The following RBFOX1 variants were observed in gnomAD, a reference collection of about 807,000 sequenced individuals.
RBFOX1 encodes the protein RNA binding protein fox-1 homolog 1.
A neutral mutation model predicts 57.7 loss-of-function variants in RBFOX1; 8 were observed. The observed-to-expected ratio is 0.14, with a 90% CI of 0.08 to 0.25. The LOEUF is 0.25. Among genes scored for constraint, RBFOX1 ranks in the 10% least tolerant of loss-of-function variants. The probability of loss-of-function intolerance (pLI) is 1.00; values close to 1 mark genes in which losing one functional copy is unlikely to be tolerated. For missense variants in RBFOX1, 611 were observed against 548.5 expected (o/e 1.11, Z -1.14); for synonymous variants, 326 against 222.4 (o/e 1.47, Z -4.15).
intron 2 of RBFOX1, among the ~76,000 whole-genome samples, chr16:6,537,067 A>G (rs943532351): frequency 2.6e-5 from 4 of 152,296 alleles, no homozygotes; most frequent in Non-Finnish European, 4.4e-5. Flanking sequence ...CAGCTCTGGT[A>G]TAGGAAACAT....
intron 1 of RBFOX1, among the ~76,000 whole-genome samples, chr16:6,224,049 C>T (rs1458424968): frequency 1.3e-5 from 2 of 151,934 alleles, no homozygotes; most frequent in Non-Finnish European, 2.9e-5. Context: ...CTGTTCTGTT[C>T]CATTGATCTA....
chr16:7,485,527 A>G (rs2065148226), intron 4 of RBFOX1, among the ~76,000 whole-genome samples: 1 of 152,156 alleles, frequency 6.6e-6, no homozygotes, highest in Admixed American at 6.5e-5. Flanking sequence ...GAATGAGCTG[A>G]GGATGTGGCC....
chr16:5,742,457 GC>G (rs1218910306), intron 3 of RBFOX1, among the ~76,000 whole-genome samples: 1 of 152,140 alleles, frequency 6.6e-6, no homozygotes, highest in Non-Finnish European at 1.5e-5. Flanking sequence ...TAAAAGTGGG[GC>G]TGCTATATTC....
intron 4 of RBFOX1, among the ~76,000 whole-genome samples, chr16:7,214,862 T>A (rs1292303572): frequency 2.0e-5 from 3 of 152,208 alleles, no homozygotes; most frequent in Non-Finnish European, 4.4e-5. Flanking sequence ...TCTGGGTGTC[T>A]GTCTCACAGT....
At chr16:5,424,784 G>A (rs1209250392) in intron 1 of RBFOX1, among the ~76,000 whole-genome samples, 1 of 151,974 alleles carries the variant, frequency 6.6e-6, no homozygotes, top group Middle Eastern at 3.4e-3. Context: ...AGGTAAGTAG[G>A]AAGTCCAGGC....
intron 3 of RBFOX1, among the ~76,000 whole-genome samples, chr16:7,031,441 C>T (rs920102891): frequency 1.3e-5 from 2 of 151,784 alleles, no homozygotes; most frequent in South Asian, 2.1e-4. Flanking sequence ...ACTAAAAATA[C>T]AAAAATTAGC....
chr16:5,620,248 G>T (rs1315529217), intron 3 of RBFOX1, among the ~76,000 whole-genome samples: 1 of 152,092 alleles, frequency 6.6e-6, no homozygotes, highest in African/African-American at 2.4e-5. Flanking sequence ...GGGGAAAGCT[G>T]AGCTTAGGGA....
At chr16:7,641,089 G>C (rs4787052) in intron 11 of RBFOX1, among the ~76,000 whole-genome samples, 102,194 of 151,876 alleles carry the variant, frequency 0.67, 36,922 homozygotes, top group East Asian at 0.94. Flanking sequence ...GGTCTACAGA[G>C]CTGGGAAGGA....
intron 1 of RBFOX1, among the ~76,000 whole-genome samples, chr16:6,254,163 C>T (rs1050165722): frequency 6.6e-6 from 1 of 152,106 alleles, no homozygotes; most frequent in African/African-American, 2.4e-5. Context: ...TCGTCAATAG[C>T]ATTTATCGAA....
intron 4 of RBFOX1, among the ~76,000 whole-genome samples, chr16:7,288,959 G>T (rs539086057): frequency 1.7e-4 from 26 of 152,322 alleles, no homozygotes; most frequent in African/African-American, 6.3e-4. Context: ...GCAGGGGTTG[G>T]AGAAAAGAAA....
At chr16:5,395,244 T>G (rs1188041241) in intron 1 of RBFOX1, among the ~76,000 whole-genome samples, 1 of 152,230 alleles carries the variant, frequency 6.6e-6, no homozygotes, top group Non-Finnish European at 1.5e-5. Flanking sequence ...TAACTCTTCC[T>G]TGAAGGCCAG....
intron 3 of RBFOX1, among the ~76,000 whole-genome samples, chr16:6,994,632 A>G (rs138858495): frequency 1.1e-4 from 16 of 152,342 alleles, no homozygotes; most frequent in East Asian, 3.9e-4. Flanking sequence ...GATTACATCA[A>G]TAATTCAAAG....
intron 4 of RBFOX1, among the ~76,000 whole-genome samples, chr16:7,430,889 G>A (rs139493200): frequency 6.6e-6 from 1 of 152,216 alleles, no homozygotes; most frequent in Admixed American, 6.5e-5. Context: ...CGTGTATGAT[G>A]TGACTGGAAA....
At chr16:6,742,368 C>T (rs991293537) in intron 3 of RBFOX1, among the ~76,000 whole-genome samples, 3 of 152,110 alleles carry the variant, frequency 2.0e-5, no homozygotes, top group Admixed American at 2.0e-4. Flanking sequence ...GTGTGTCTCT[C>T]ATATACTGAT....
intron 2 of RBFOX1, among the ~76,000 whole-genome samples, chr16:6,571,433 C>T (rs1567723478): frequency 6.6e-6 from 1 of 152,258 alleles, no homozygotes; most frequent in East Asian, 1.9e-4. Context: ...AGACCCAGTG[C>T]TCGGAGTGAT....
intron 4 of RBFOX1, among the ~76,000 whole-genome samples, chr16:7,432,552 C>T (rs955486032): frequency 6.6e-6 from 1 of 152,174 alleles, no homozygotes; most frequent in African/African-American, 2.4e-5. Context: ...CAGAGAGTAA[C>T]ACTTTTAAGC....
chr16:6,015,607 T>C (rs2094988718), upstream of RBFOX1, among the ~76,000 whole-genome samples: 1 of 152,228 alleles, frequency 6.6e-6, no homozygotes, highest in African/African-American at 2.4e-5. Context: ...GGACTCTATT[T>C]ATATTGAACA....
chr16:7,581,888 T>C (rs894650841), intron 6 of RBFOX1, among the ~76,000 whole-genome samples: 22 of 151,608 alleles, frequency 1.5e-4, no homozygotes, highest in South Asian at 6.3e-4. Flanking sequence ...TTTTTAAGTA[T>C]TTTTTTTTAA....
chr16:6,800,810 G>T (rs1440430271), intron 3 of RBFOX1, among the ~76,000 whole-genome samples: 1 of 152,056 alleles, frequency 6.6e-6, no homozygotes, highest in Non-Finnish European at 1.5e-5. Flanking sequence ...TCTCATGTGA[G>T]TGACTGTATA....
Sources: allele counts gnomAD v4.1 joint callset (sites outside exome capture counted in the v4.1 genomes callset), GRCh38; gene constraint gnomAD v4.1.1; transcripts MANE v1.5; gene names NCBI Gene and HGNC (gene_info 2026-07-23, HGNC 2026-07-21).